HS3ST6: variants seen among roughly 807,000 people sequenced by gnomAD.
The protein encoded by HS3ST6 is heparan sulfate glucosamine 3-O-sulfotransferase 6.
In HS3ST6, 13 loss-of-function variants were observed where a neutral mutation model predicts 11.0. The observed-to-expected ratio is 1.18, with a 90% confidence interval of 0.77 to 1.88. HS3ST6 has a LOEUF of 1.88. Among genes scored for constraint, HS3ST6 ranks in the 40% most tolerant of loss-of-function variants. The pLI is 0.00. For synonymous variants in HS3ST6, 232 were observed against 230.6 expected (o/e 1.01, Z -0.06); for missense variants, 541 against 494.4 (o/e 1.09, Z -0.89).
At chr16:1,915,433 G>A (rs559368852) in intron 1 of HS3ST6, among the ~76,000 whole-genome samples, 36 of 152,250 alleles carry the variant, frequency 2.4e-4, no homozygotes, top group African/African-American at 7.5e-4. Flanking sequence ...CCATCACCAC[G>A]CCTGGCTAAT....
At chr16:1,916,192 A>G (rs80129080) in intron 1 of HS3ST6, among the ~76,000 whole-genome samples, 66 of 58,212 alleles carry the variant, frequency 1.1e-3, no homozygotes, top group African/African-American at 3.5e-3. Context: ...GACACTTGCA[A>G]TGCGGAAGCT....
At chr16:1,920,593 C>A (rs554501112), upstream of HS3ST6, among the ~76,000 whole-genome samples, 5 of 152,350 alleles carry the variant, frequency 3.3e-5, no homozygotes, top group East Asian at 9.6e-4. Context: ...CGTCTCTCTG[C>A]TGGATGCTTT....
rs2082940955 is a variant in HS3ST6, at chr16:1,918,251, G to C, written c.73C>G (p.Leu25Val). The change falls in exon 1 of 2, where the codon CTG becomes GTG. Residue 25 changes from leucine to valine, a missense_variant. Physicochemically the swap from Leu to Val is conservative, Grantham distance 32. Transcript: ENST00000454677. This position sits in a 1 kb window ranked among gnomAD's most constrained non-coding sequence, Gnocchi z 6.0. Reference sequence around the variant, plus strand: ...AGCATCGGCGCGCGGGACGCCCGCAGAGCGGCCCCTTGCCCGGCCCCTGCG... The same window carrying C: ...AGCATCGGCGCGCGGGACGCCCGCACAGCGGCCCCTTGCCCGGCCCCTGCG... Reference protein sequence around the residue: ...QGAGAGQGAALRASRAPMLLV... With the variant: ...QGAGAGQGAAVRASRAPMLLV... 1.3e-5 allele frequency: 13 copies of C among 1,014,692 alleles called. No individual in the cohort carries two copies. The highest frequency in any genetic ancestry group is 1.5e-5 in the Non-Finnish European group (13 of 850,512). The allele number at this position is 1,014,692 out of a possible 1,614,324, so 62.9% of individuals were successfully genotyped here. A position where few individuals can be genotyped will look rare whatever the true frequency, so the allele number is the denominator to read the frequency against.
chr16:1,919,680 G>T (rs758603639), upstream of HS3ST6, among the ~76,000 whole-genome samples: 12 of 152,362 alleles, frequency 7.9e-5, no homozygotes, highest in Non-Finnish European at 1.8e-4. Context: ...TGCCTCAAGG[G>T]GCCGAAGGCC....
rs543115090 is a variant in HS3ST6, at chr16:1,912,363, G to A, written c.414-158C>T. Among the ~76,000 whole-genome samples, 11 of 151,390 alleles carry A rather than the reference G, an allele frequency of 7.3e-5. No individual in the cohort carries two copies. In the South Asian group the frequency reaches 1.7e-3, roughly 23 times the overall value. On this transcript the variant is annotated intron_variant, in intron 1 of 1. Coordinates refer to ENST00000454677, the MANE Select transcript of HS3ST6 (RefSeq NM_001009606.4). The surrounding 1 kb of genome is among the most constrained non-coding windows in gnomAD (Gnocchi z 5.6). ...CGGGCCCACCCCTGCTAGCGTGCGC[G>A]GCTGGGCAGCCTGGAACATGGACTG...
chr16:1,914,264 G>A (rs968266686), intron 1 of HS3ST6, among the ~76,000 whole-genome samples: 37 of 152,144 alleles, frequency 2.4e-4, no homozygotes, highest in South Asian at 6.2e-4. Context: ...CGCACCCAGC[G>A]TCCCAGGGAC....
intron 1 of HS3ST6, among the ~76,000 whole-genome samples, chr16:1,917,677 C>A (rs1042270544): frequency 6.6e-6 from 1 of 152,184 alleles, no homozygotes; most frequent in Non-Finnish European, 1.5e-5. Context: ...AGAACGGAAC[C>A]GGGGCTTTCC....
chr16:1,915,930 G>T (rs892262348), intron 1 of HS3ST6, among the ~76,000 whole-genome samples: 2 of 152,222 alleles, frequency 1.3e-5, no homozygotes, highest in African/African-American at 4.8e-5. Flanking sequence ...GCCGTGGCCC[G>T]GAGACTCAAC....
rs774772090 is a variant in HS3ST6, at chr16:1,911,685, C to G, written c.934G>C (p.Val312Leu). Residue 312 changes from valine to leucine, a missense_variant, in exon 2 of 2, where the codon GTG becomes CTG. Transcript: ENST00000454677. ...GKSKGRPHPR[V>L]PQALVRRLQE... ...AGGCGCCGGACCAGGGCCTGGGGCA[C>G]GCGTGGGTGTGGCCGGCCCTTGGAC... 6 of 1,611,790 alleles carry G rather than the reference C, an allele frequency of 3.7e-6. No individual in the cohort carries two copies. The South Asian group carries it at 6.6e-5, about 18-fold the overall frequency.
Position 1,911,909 on chromosome 16 carries a change from C to A in HS3ST6, c.710G>T (p.Arg237Leu). Residue 237 changes from arginine to leucine, a missense_variant, in exon 2 of 2, where the codon CGC (arginine) becomes CTC (leucine). Transcript: ENST00000454677. ...CAGGAAGTGGGACAGGGGGAAGTAG[C>A]GCAGCCAGTGGTCCAGGTGCTGGGC... ...LYAQHLDHWL[R>L]YFPLSHFLFV... 6.2e-7 allele frequency: 1 copy of A among 1,601,966 alleles called. No homozygotes were observed. The highest frequency in any genetic ancestry group is 8.5e-7 in the Non-Finnish European group (1 of 1,172,962).
intron 1 of HS3ST6, 30 bp downstream of exon 1, chr16:1,917,881 C>T (rs1196767730): frequency 3.6e-5 from 49 of 1,345,418 alleles, no homozygotes; most frequent in Non-Finnish European, 4.5e-5. Flanking sequence ...AGGAAGGCGC[C>T]GGTCAGGGCG....
Position 1,912,281 on chromosome 16 carries a change from G to T in HS3ST6, c.414-76C>A. ...CGGCCCCCAGGGGCCCGGGACCAAG[G>T]CCCCCTTATGCCCGGGAAGCCCAGG... is the stretch of plus-strand genomic sequence containing the variant. On this transcript the variant is annotated intron_variant, in intron 1 of 1. Transcript: ENST00000454677. The surrounding 1 kb of genome is among the most constrained non-coding windows in gnomAD (Gnocchi z 5.6). The T allele has an allele frequency of 8.1e-7, 1 of 1,229,130 alleles. No individual in the cohort carries two copies. The highest frequency in any genetic ancestry group is 1.0e-6 in the Non-Finnish European group (1 of 969,302). The allele number at this position is 1,229,130 out of a possible 1,614,324, so 76.1% of individuals were successfully genotyped here.
At chr16:1,919,969 G>T (rs1032033144), upstream of HS3ST6, among the ~76,000 whole-genome samples, 3 of 152,166 alleles carry the variant, frequency 2.0e-5, no homozygotes, top group Admixed American at 1.3e-4. Context: ...GGCTCGGGGT[G>T]GGGGCTGGGG....
chr16:1,911,972 A>G lies in HS3ST6; in HGVS notation c.647T>C (p.Val216Ala), dbSNP rs754103419. 1 of 1,557,590 alleles carries G rather than the reference A, an allele frequency of 6.4e-7. No homozygotes were observed. The highest frequency in any genetic ancestry group is 1.9e-5 in the Admixed American group (1 of 52,866). The change falls in exon 2 of 2, where the codon GTG becomes GCG. Residue 216 changes from valine (V) to alanine (A), a missense_variant. Val to Ala is a moderately conservative substitution (Grantham distance 64, BLOSUM62 0). Transcript: ENST00000454677. ...GCGGACGGCGCTCCAGGCTGTGTCC[A>G]CGGGGCCCAGGCCGTGGCGGAAGGC... Reference protein sequence around the residue: ...ALAFRHGLGPVDTAWSAVRIG... With the variant: ...ALAFRHGLGPADTAWSAVRIG...
At chr16:1,919,559 A>G (rs1274973278), upstream of HS3ST6, among the ~76,000 whole-genome samples, 1 of 152,244 alleles carries the variant, frequency 6.6e-6, no homozygotes, top group African/African-American at 2.4e-5. Context: ...GGCTCCCGGC[A>G]GAGGCCCAGC....
chr16:1,911,723 CGG>C lies in HS3ST6; in HGVS notation c.894_895del (p.Arg299LeufsTer78), dbSNP rs745313990. The C allele has an allele frequency of 1.2e-6, 2 of 1,612,548 alleles. No individual in the cohort carries two copies. Among genetic ancestry groups the C allele is most frequent in the African/African-American group, 2.7e-5 (2 of 74,894 alleles). ...CCGGCCCTTGGACTTGCCCAGGCAG[CGG>C]GGACGGCTGCCGCCCTGGGCCTTCT... On this transcript the variant is annotated frameshift_variant, in exon 2 of 2. Coordinates refer to ENST00000454677, the MANE Select transcript of HS3ST6 (RefSeq NM_001009606.4). LOFTEE classifies it high-confidence loss of function.
At chr16:1,914,887 G>T (rs1245875686) in intron 1 of HS3ST6, among the ~76,000 whole-genome samples, 1 of 151,878 alleles carries the variant, frequency 6.6e-6, no homozygotes, top group Non-Finnish European at 1.5e-5. Context: ...AGAGACGGGG[G>T]AGGAGGGAGA....
At chr16:1,914,485 C>T (rs1359851589) in intron 1 of HS3ST6, among the ~76,000 whole-genome samples, 1 of 152,218 alleles carries the variant, frequency 6.6e-6, no homozygotes, top group Non-Finnish European at 1.5e-5. Flanking sequence ...TCCCCTCGGC[C>T]AGGAAGGAAG....
intron 1 of HS3ST6, among the ~76,000 whole-genome samples, chr16:1,914,255 G>A (rs766168504): frequency 6.6e-6 from 1 of 152,160 alleles, no homozygotes; most frequent in African/African-American, 2.4e-5. Flanking sequence ...CGTGGGAGCC[G>A]CACCCAGCGT....
Sources: gnomAD v4.1 joint callset for allele counts (sites outside exome capture counted in the v4.1 genomes callset) on GRCh38, gnomAD v4.1.1 for gene constraint, Gnocchi (gnomAD v3.1) non-coding constraint, MANE v1.5 for transcripts, NCBI Gene and HGNC (gene_info 2026-07-23, HGNC 2026-07-21) for gene names.